CATSPERB: variants seen among roughly 807,000 people sequenced by gnomAD.
The protein encoded by CATSPERB is cation channel sperm-associated auxiliary subunit beta.
A neutral mutation model predicts 128.3 loss-of-function variants in CATSPERB; 93 were observed. The observed-to-expected ratio is 0.72, with a 90% CI of 0.61 to 0.86. The LOEUF (loss-of-function observed/expected upper bound fraction) is 0.86, where lower values mean the gene tolerates loss of function less well. Among genes scored for constraint, CATSPERB ranks in the 40% least tolerant of loss-of-function variants. The pLI is 0.00. For missense variants in CATSPERB, 1,153 were observed against 1,329.5 expected (o/e 0.87, Z 2.06); for synonymous variants, 381 against 448.8 (o/e 0.85, Z 1.91).
rs189122570 is a variant in CATSPERB at position 91,719,582 on chromosome 14, T to C, written c.310-104A>G. On this transcript the variant is annotated intron_variant, in intron 4 of 26. Transcript: ENST00000256343. Reference sequence around the variant, plus strand: ...AAGAGAATTAAACAAAAACATCCAATGCATATACCTTTTACCTAGAAATTT... The same window carrying C: ...AAGAGAATTAAACAAAAACATCCAACGCATATACCTTTTACCTAGAAATTT... 417 of 740,526 alleles carry C rather than the reference T, an allele frequency of 5.6e-4. 2 individuals carry two copies. The African/African-American group carries it at 7.0e-3, about 12-fold the overall frequency. The allele number at this position is 740,526 out of a possible 1,614,324, so 45.9% of individuals were successfully genotyped here. A position where few individuals can be genotyped will look rare whatever the true frequency, so the allele number is the denominator to read the frequency against.
chr14:91,588,221 T>C (rs1441702667), intron 24 of CATSPERB, 143 bp from the exon 25 acceptor site: 4 of 616,098 alleles, frequency 6.5e-6, no homozygotes, highest in South Asian at 6.0e-5. Flanking sequence ...AAATTTGTCA[T>C]GCACATTAAG....
At chr14:91,657,112 G>C (rs190443150) in intron 15 of CATSPERB, among the ~76,000 whole-genome samples, 13 of 152,042 alleles carry the variant, frequency 8.6e-5, no homozygotes, top group Admixed American at 4.6e-4. Flanking sequence ...TTTTCTGTCT[G>C]GACAGGTCAT....
chr14:91,728,831 G>T (rs7145278), intron 2 of CATSPERB, among the ~76,000 whole-genome samples: 4,794 of 152,198 alleles, frequency 0.031, 248 homozygotes, highest in African/African-American at 0.11. Flanking sequence ...TCCACTGTGG[G>T]ACAAACGTAC....
Position 91,729,420 on chromosome 14 carries a change from T to G in CATSPERB, c.60A>C (p.Ser20=), listed in dbSNP as rs368321266. ...ACTTACCTTTATTATATACTATTCC[T>G]GATGAAAATTCAAATATGTTCAAAA... ...VLLLNIFEFS[S]GIVYNKDDTE... Residue 20 remains serine (S), a synonymous_variant, in exon 2 of 27, where the codon TCA becomes TCC. Coordinates refer to ENST00000256343, the MANE Select transcript of CATSPERB (RefSeq NM_024764.4). 5 of 1,497,548 alleles carry G rather than the reference T, an allele frequency of 3.3e-6. No individual in the cohort carries two copies. Among genetic ancestry groups the G allele is most frequent in the Non-Finnish European group, 4.6e-6 (5 of 1,083,886 alleles). 92.8% of individuals were successfully genotyped at this position (1,497,548 alleles called of 1,614,324 possible). A position where few individuals can be genotyped will look rare whatever the true frequency, so the allele number is the denominator to read the frequency against.
chr14:91,731,895 A>G (rs1207348155), intron 1 of CATSPERB, 35 bp downstream of exon 1: 1 of 152,450 alleles, frequency 6.6e-6, no homozygotes, highest in Non-Finnish European at 1.5e-5. Context: ...ATACTCCAGC[A>G]GGGTCCTTAT....
intron 15 of CATSPERB, among the ~76,000 whole-genome samples, chr14:91,646,970 A>G (rs1894617480): frequency 6.6e-6 from 1 of 152,242 alleles, no homozygotes; most frequent in Admixed American, 6.5e-5. Flanking sequence ...TGCAATCCCA[A>G]CACTTTGGGA....
intron 14 of CATSPERB, 80 bp from the exon 15 acceptor site, chr14:91,660,061 T>C: frequency 7.8e-7 from 1 of 1,281,526 alleles, no homozygotes; most frequent in Non-Finnish European, 1.1e-6. Context: ...TACATGAGAA[T>C]AGCCATGTGG....
intron 4 of CATSPERB, among the ~76,000 whole-genome samples, chr14:91,721,171 A>G (rs1401866612): frequency 6.6e-6 from 1 of 152,180 alleles, no homozygotes; most frequent in East Asian, 1.9e-4. Context: ...GAGTCAGGCA[A>G]TGGTTTTCTA....
At chr14:91,592,838 T>C (rs1029225625) in intron 22 of CATSPERB, among the ~76,000 whole-genome samples, 4 of 152,156 alleles carry the variant, frequency 2.6e-5, no homozygotes, top group Non-Finnish European at 5.9e-5. Context: ...CTCCAGACCA[T>C]GTCAGAGACC....
chr14:91,632,048 T>C (rs1423224377), intron 17 of CATSPERB, among the ~76,000 whole-genome samples: 1 of 151,292 alleles, frequency 6.6e-6, no homozygotes, highest in Non-Finnish European at 1.5e-5. Context: ...AAATGAAACA[T>C]AGAAAAAGGT....
At chr14:91,624,349 C>A (rs571403498) in intron 18 of CATSPERB, among the ~76,000 whole-genome samples, 1 of 152,198 alleles carries the variant, frequency 6.6e-6, no homozygotes, top group Non-Finnish European at 1.5e-5. Flanking sequence ...CTGGGCGTGG[C>A]AGCATGCGCC....
At chr14:91,691,702 C>A in intron 9 of CATSPERB, 147 bp from the exon 10 acceptor site, 1 of 548,052 alleles carries the variant, frequency 1.8e-6, no homozygotes, top group Admixed American at 2.9e-5. Flanking sequence ...TCTATCCTAG[C>A]AGTTAGGATA....
At chr14:91,679,127 A>C (rs1021312786) in intron 11 of CATSPERB, among the ~76,000 whole-genome samples, 1 of 152,202 alleles carries the variant, frequency 6.6e-6, no homozygotes, top group African/African-American at 2.4e-5. Context: ...ATGCTTATTT[A>C]GATGTCTGGG....
At chr14:91,672,190 C>G (rs1895107602) in intron 13 of CATSPERB, among the ~76,000 whole-genome samples, 1 of 152,158 alleles carries the variant, frequency 6.6e-6, no homozygotes, top group African/African-American at 2.4e-5. Flanking sequence ...ACTCATTGAA[C>G]ATACGAAGAT....
intron 20 of CATSPERB, among the ~76,000 whole-genome samples, chr14:91,614,037 G>C (rs1893888088): frequency 6.6e-6 from 1 of 152,116 alleles, no homozygotes; most frequent in Non-Finnish European, 1.5e-5. Context: ...AGCCAGCTCT[G>C]AGTGTATTGT....
intron 14 of CATSPERB, among the ~76,000 whole-genome samples, chr14:91,663,577 G>A (rs191770837): frequency 0.011 from 1,579 of 149,196 alleles, 22 homozygotes; most frequent in African/African-American, 0.035. Context: ...CCCGGGAGGC[G>A]GAGCTTGCAG....
intron 22 of CATSPERB, among the ~76,000 whole-genome samples, chr14:91,603,967 T>C (rs969838065): frequency 6.6e-5 from 1 of 15,042 alleles, no homozygotes; most frequent in Non-Finnish European, 1.8e-4. Context: ...CTTCATCTAT[T>C]TTTTTTTTTT....
chr14:91,625,708 G>A (rs1387942741), intron 17 of CATSPERB, among the ~76,000 whole-genome samples: 1 of 152,116 alleles, frequency 6.6e-6, no homozygotes, highest in African/African-American at 2.4e-5. Context: ...TGCCTTTTAG[G>A]AAATTTCTAT....
At position 91,708,169 on chromosome 14, in the gene CATSPERB, A is replaced by G; in HGVS notation, c.438T>C (p.Thr146=). Residue 146 remains threonine (T), a synonymous_variant, in exon 6 of 27, where the codon ACT becomes ACC. Coordinates refer to ENST00000256343, the MANE Select transcript of CATSPERB (RefSeq NM_024764.4). The stretch of plus-strand genomic sequence containing the variant: ...GAATAACATCCAATAGAGTTCCTTC[A>G]GTAGCATAAATATTTAGTCCATGAT... ...TLHHGLNIYA[T]EGTLLDVIRE... 1 of 1,610,694 alleles carries G rather than the reference A, an allele frequency of 6.2e-7. No individual in the cohort carries two copies. Among genetic ancestry groups the G allele is most frequent in the East Asian group, 2.2e-5 (1 of 44,736 alleles).
Sources: allele counts gnomAD v4.1 joint callset (sites outside exome capture counted in the v4.1 genomes callset), GRCh38; gene constraint gnomAD v4.1.1; transcripts MANE v1.5; gene names NCBI Gene and HGNC (gene_info 2026-07-23, HGNC 2026-07-21).